The following PCDH11X variants were observed in gnomAD, a reference collection of about 807,000 sequenced individuals.
PCDH11X encodes protocadherin-11 X-linked.
A neutral mutation model predicts 53.3 loss-of-function variants in PCDH11X; 18 were observed. The ratio of observed to expected loss-of-function variants is 0.34; its 90% CI spans 0.23 to 0.50. The LOEUF is 0.50. Ranked by LOEUF, PCDH11X falls within the 20% of genes least tolerant of loss-of-function variation. PCDH11X has a pLI of 0.98. For synonymous variants in PCDH11X, 279 were observed against 393.3 expected, an observed-to-expected ratio of 0.71 and a Z score of 3.44; for missense variants, 570 against 1,032.4, an observed-to-expected ratio of 0.55 and a Z score of 6.14.
In PCDH11X at chrX:92,203,124, C is replaced by T. The variant is rs543205592; in HGVS notation, c.3114+1669C>T. ...TGTTAATAAAGTCCTAAATCTGACT[C>T]CTCTGGTATCAAATTAATATCCATA... On this transcript the variant is annotated intron_variant, in intron 7 of 10. Transcript: ENST00000682573. Among the ~76,000 whole-genome samples, 157 of 112,103 alleles carry T rather than the reference C, an allele frequency of 1.4e-3. 1 individual carries two copies. Among genetic ancestry groups the T allele is most frequent in the Middle Eastern group, 9.2e-3 (2 of 217 alleles).
chrX:91,832,245 A>G (rs1235821738), intron 4 of PCDH11X, among the ~76,000 whole-genome samples: 3 of 107,584 alleles, frequency 2.8e-5, no homozygotes, highest in African/African-American at 1.0e-4. Context: ...AACCAACCCA[A>G]ATGTCCATCA....
intron 8 of PCDH11X, among the ~76,000 whole-genome samples, chrX:92,349,571 C>A (rs1266121112): frequency 9.7e-6 from 1 of 103,607 alleles, no homozygotes; most frequent in Non-Finnish European, 2.0e-5. Context: ...ACAAGTCCCG[C>A]TACCATTTGT....
chrX:92,020,352 T>G (rs1049246632), intron 6 of PCDH11X, among the ~76,000 whole-genome samples: 1 of 112,123 alleles, frequency 8.9e-6, no homozygotes, highest in Non-Finnish European at 1.9e-5. Context: ...GCTTTTTCCC[T>G]GCTGGAGCCA....
chrX:92,071,918 G>T (rs1182506093), intron 6 of PCDH11X, among the ~76,000 whole-genome samples: 2 of 111,327 alleles, frequency 1.8e-5, no homozygotes, highest in Non-Finnish European at 3.8e-5. Context: ...TTCTCTTCAG[G>T]GTGGCAAGTT....
chrX:92,287,930 C>G (rs1447472476), intron 8 of PCDH11X: 1 of 511,713 alleles, frequency 2.0e-6, no homozygotes, highest in Non-Finnish European at 3.5e-6. Flanking sequence ...TAACACTTTC[C>G]CCTTCACTCT....
intron 6 of PCDH11X, among the ~76,000 whole-genome samples, chrX:91,917,565 G>T (rs1941607451): frequency 5.8e-5 from 1 of 17,290 alleles, no homozygotes; most frequent in Non-Finnish European, 9.1e-5. Flanking sequence ...TTTTACAGCA[G>T]CTGCAAAAAA....
Position 92,239,235 on chromosome X carries a change from TA to T in PCDH11X, c.3115-23876del, listed in dbSNP as rs749387932. ...GTGTTTAATATGTAATTTGTTACCATAAATATATTCCATTTATCACTGATAT... is the reference window on the plus strand; with the variant it reads ...GTGTTTAATATGTAATTTGTTACCATAATATATTCCATTTATCACTGATAT... On this transcript the variant is annotated intron_variant, in intron 7 of 10. Coordinates refer to ENST00000682573, the MANE Select transcript of PCDH11X (RefSeq NM_032968.5). 5.6e-3 allele frequency among the ~76,000 whole-genome samples: 624 copies of T among 111,898 alleles called. 4 individuals carry two copies. The highest frequency in any genetic ancestry group is 0.019 in the African/African-American group (585 of 30,926).
Position 92,064,875 on chromosome X carries a change from G to A in PCDH11X, c.3034-136500G>A, listed in dbSNP as rs964314142. Among the ~76,000 whole-genome samples, 6 of 101,952 alleles carry A rather than the reference G, an allele frequency of 5.9e-5. 1 individual carries two copies. Among genetic ancestry groups the A allele is most frequent in the African/African-American group, 2.4e-4 (6 of 24,980 alleles). The allele number at this position is 101,952 out of a possible 115,157, so 88.5% of individuals were successfully genotyped here. A position where few individuals can be genotyped will look rare whatever the true frequency, so the allele number is the denominator to read the frequency against. On this transcript the variant is annotated intron_variant, in intron 6 of 10. Transcript: ENST00000682573. ...AAAGCGGGTAGCTTCTCATTTAGTT[G>A]CAGGAGGAGGAGATAGCTCCCAGGG...
intron 10 of PCDH11X, among the ~76,000 whole-genome samples, chrX:92,502,526 C>G (rs978906856): frequency 3.7e-4 from 41 of 109,855 alleles, no homozygotes; most frequent in Non-Finnish European, 6.3e-4. Flanking sequence ...GACACATAGA[C>G]CAATGGAACA....
intron 8 of PCDH11X, among the ~76,000 whole-genome samples, chrX:92,282,263 G>C (rs1050992348): frequency 9.0e-5 from 10 of 111,611 alleles, no homozygotes; most frequent in African/African-American, 2.6e-4. Context: ...TGACTTTGAA[G>C]TTCAAGTTTT....
intron 7 of PCDH11X, among the ~76,000 whole-genome samples, chrX:92,234,612 A>G (rs750776879): frequency 5.2e-4 from 58 of 111,864 alleles, no homozygotes; most frequent in African/African-American, 1.8e-3. Context: ...GCAGCACTTT[A>G]TGAAAAAGCT....
In PCDH11X at chrX:92,581,295, C is replaced by T. The variant is rs1426549990; in HGVS notation, c.3368-36969C>T. Among the ~76,000 whole-genome samples, 3 of 111,264 alleles carry T rather than the reference C, an allele frequency of 2.7e-5. No homozygotes were observed. In the East Asian group the frequency reaches 8.5e-4, roughly 32 times the overall value. On this transcript the variant is annotated intron_variant, in intron 10 of 10. Coordinates refer to ENST00000682573, the MANE Select transcript of PCDH11X (RefSeq NM_032968.5). ...AAGGTAGACCATTGATATGTTTTGG[C>T]TGTGTCCCCACCCAAATCTTATCTT...
At chrX:92,275,516 G>T (rs898832091) in intron 8 of PCDH11X, among the ~76,000 whole-genome samples, 6 of 111,401 alleles carry the variant, frequency 5.4e-5, no homozygotes, top group Admixed American at 4.8e-4. Flanking sequence ...AGGCTGGGAT[G>T]AAGGGTGCAA....
At chrX:92,487,541 T>A (rs1247703824) in intron 10 of PCDH11X, among the ~76,000 whole-genome samples, 1 of 111,305 alleles carries the variant, frequency 9.0e-6, no homozygotes, top group Non-Finnish European at 1.9e-5. Flanking sequence ...TTAATGGTAC[T>A]TAAATCCTCA....
intron 8 of PCDH11X, among the ~76,000 whole-genome samples, chrX:92,352,295 T>A (rs1372358508): frequency 8.9e-6 from 1 of 111,847 alleles, no homozygotes; most frequent in African/African-American, 3.2e-5. Context: ...AAAACTGATG[T>A]CAACTTAGTT....
chrX:91,991,648 T>C (rs1183901130), intron 6 of PCDH11X, among the ~76,000 whole-genome samples: 1 of 107,062 alleles, frequency 9.3e-6, no homozygotes, highest in Non-Finnish European at 1.9e-5. Context: ...TCTCAGGAAC[T>C]TGGTGTGTTC....
At chrX:92,283,827 T>C (rs2068300845) in intron 8 of PCDH11X, among the ~76,000 whole-genome samples, 1 of 111,877 alleles carries the variant, frequency 8.9e-6, no homozygotes, top group African/African-American at 3.2e-5. Context: ...AAATTTTTTC[T>C]TACATGAAAT....
chrX:91,878,278 T>C lies in PCDH11X; in HGVS notation c.2038T>C (p.Cys680Arg), dbSNP rs777975302. ...AGTTTTCATTGTCCCTCCTTCCAAC[T>C]GTTCTTATGAATTGGTTCTACCGTC... ...KPVFIVPPSN[C>R]SYELVLPSTN... Residue 680 changes from cysteine (C) to arginine (R), a missense_variant, in exon 6 of 11, where the codon TGT becomes CGT. Transcript: ENST00000682573. 1.7e-6 allele frequency: 2 copies of C among 1,209,146 alleles called. No individual in the cohort carries two copies. Among genetic ancestry groups the C allele is most frequent in the Admixed American group, 4.4e-5 (2 of 45,558 alleles).
chrX:92,096,474 GTA>G lies in PCDH11X; in HGVS notation c.3034-104899_3034-104898del, dbSNP rs1401951714. Among the ~76,000 whole-genome samples the G allele has an allele frequency of 1.7e-3, 163 of 94,396 alleles. 2 individuals carry two copies. Among genetic ancestry groups the G allele is most frequent in the African/African-American group, 5.6e-3 (150 of 26,613 alleles). 82.0% of individuals were successfully genotyped at this position (94,396 alleles called of 115,157 possible). The stretch of plus-strand genomic sequence containing the variant: ...TGTGTGTGTGTGTGTGTGTGTGTGT[GTA>G]TGTACCTGCTATATATGAATATATA... On this transcript the variant is annotated intron_variant, in intron 6 of 10. Coordinates refer to ENST00000682573, the MANE Select transcript of PCDH11X (RefSeq NM_032968.5).
Sources: gnomAD v4.1 joint callset for allele counts (sites outside exome capture counted in the v4.1 genomes callset) on GRCh38, gnomAD v4.1.1 for gene constraint, MANE v1.5 for transcripts, NCBI Gene and HGNC (gene_info 2026-07-23, HGNC 2026-07-21) for gene names.